Variants in SNRPN observed in about 807,000 individuals in gnomAD.
The protein encoded by SNRPN is small nuclear ribonucleoprotein-associated protein N.
SNRPN carries 7 observed loss-of-function variants against 25.2 expected under a neutral mutation model. The ratio of observed to expected loss-of-function variants is 0.28; its 90% CI spans 0.16 to 0.52. The LOEUF (loss-of-function observed/expected upper bound fraction) is 0.52, where lower values mean the gene tolerates loss of function less well. Among genes scored for constraint, SNRPN ranks in the 20% least tolerant of loss-of-function variants. The pLI is 0.96. For synonymous variants in SNRPN, 124 were observed against 110.6 expected (o/e 1.12, Z -0.76); for missense variants, 196 against 322.5 (o/e 0.61, Z 3.00).
chr15:24,954,858 G>A (rs1007426887), upstream of SNRPN: 4 of 741,130 alleles, frequency 5.4e-6, no homozygotes, highest in East Asian at 2.7e-5. Context: ...AGGTCATTCC[G>A]GTGAGGGAGG....
At chr15:24,848,213 G>GTGGGGCGGGGGCGGCGGC (rs2052383849) in intron 2 of SNRPN, 1 of 110,888 alleles carries the variant, frequency 9.0e-6, no homozygotes, top group Non-Finnish European at 2.1e-5. Context: ...GGACGGAGCT[G>GTGGGGCGGGGGCGGCGGC]GGGGGCGGGG....
chr15:24,844,553 C>T (rs566986126), intron 2 of SNRPN, among the ~76,000 whole-genome samples: 26 of 151,880 alleles, frequency 1.7e-4, no homozygotes, highest in African/African-American at 6.3e-4. Context: ...GAGACAGAGT[C>T]TGTCTCTGTC....
intron 2 of SNRPN, among the ~76,000 whole-genome samples, chr15:24,902,755 C>T (rs2058544618): frequency 6.6e-6 from 1 of 152,200 alleles, no homozygotes; most frequent in African/African-American, 2.4e-5. Flanking sequence ...GTCTCGCCGG[C>T]TTCAGGAGTG....
At chr15:24,861,771 A>G (rs1211497176) in intron 1 of SNRPN, among the ~76,000 whole-genome samples, 2 of 152,150 alleles carry the variant, frequency 1.3e-5, no homozygotes, top group African/African-American at 2.4e-5. Flanking sequence ...TCGATTTAAT[A>G]TTTATTTTAA....
At chr15:24,926,453 A>G (rs910797085) in intron 3 of SNRPN, among the ~76,000 whole-genome samples, 5 of 152,104 alleles carry the variant, frequency 3.3e-5, no homozygotes, top group Admixed American at 6.5e-5. Flanking sequence ...TTTCTCTCAG[A>G]AGTGTGCTAG....
At chr15:24,878,999 C>G (rs2056312886) in intron 1 of SNRPN, among the ~76,000 whole-genome samples, 1 of 151,714 alleles carries the variant, frequency 6.6e-6, no homozygotes. Context: ...AAAAATTATA[C>G]AAGGTTGAAT....
chr15:24,911,081 C>T, intron 2 of SNRPN: 20 of 1,498,844 alleles, frequency 1.3e-5, no homozygotes, highest in Non-Finnish European at 1.8e-5. Context: ...GTTTCCTCTT[C>T]TCCTCTTCTG....
chr15:24,954,940 C>A, upstream of SNRPN: 2 of 1,515,860 alleles, frequency 1.3e-6, no homozygotes, highest in Admixed American at 1.8e-5. Context: ...CGCGCATGCT[C>A]AGGCGGGGAT....
chr15:24,861,415 A>G lies in SNRPN; in HGVS notation c.-579+4699A>G, dbSNP rs1302728315. 3.9e-5 allele frequency among the ~76,000 whole-genome samples: 6 copies of G among 152,218 alleles called. No homozygotes were observed. The East Asian group carries it at 1.2e-3, about 29-fold the overall frequency. On this transcript the variant is annotated intron_variant, in intron 1 of 11. Coordinates refer to the SNRPN transcript ENST00000400097. ...CATAGAAAACATAAAAAGATGGTAT[A>G]AAACAAAAAATATTGTTCAGTTGTA...
chr15:24,868,693 T>A (rs2054821033), intron 1 of SNRPN, among the ~76,000 whole-genome samples: 2 of 152,192 alleles, frequency 1.3e-5, no homozygotes. Flanking sequence ...ATAACCTGAA[T>A]TCTTTTGAAA....
At chr15:24,830,901 G>A (rs991863154) in intron 2 of SNRPN, among the ~76,000 whole-genome samples, 3 of 151,990 alleles carry the variant, frequency 2.0e-5, no homozygotes, top group Admixed American at 6.6e-5. Flanking sequence ...TATTCTGCCC[G>A]TTGTTGGATA....
In SNRPN at chr15:24,872,741, C is replaced by T. The variant is rs545629771; in HGVS notation, c.-578-13775C>T. On this transcript the variant is annotated intron_variant, in intron 1 of 11. Coordinates refer to the SNRPN transcript ENST00000400097. ...AGCCTGGGCAATAAGAGTGAAACTCCGTCTCGAAAAAAAAAAAAAAAAAAA... is the reference window on the plus strand; with the variant it reads ...AGCCTGGGCAATAAGAGTGAAACTCTGTCTCGAAAAAAAAAAAAAAAAAAA... Among the ~76,000 whole-genome samples the T allele has an allele frequency of 2.5e-4, 19 of 77,374 alleles. 4 individuals carry two copies. In the South Asian group the frequency reaches 3.8e-3, roughly 16 times the overall value. The allele number at this position is 77,374 out of a possible 152,430, so 50.8% of individuals were successfully genotyped here.
chr15:24,848,620 A>G (rs1448996920), intron 2 of SNRPN: 3 of 152,130 alleles, frequency 2.0e-5, no homozygotes, highest in South Asian at 4.1e-4. Context: ...AATAACTTCA[A>G]TGTCTTTTTT....
chr15:24,874,979 T>C (rs2055708157), intron 1 of SNRPN, among the ~76,000 whole-genome samples: 1 of 152,212 alleles, frequency 6.6e-6, no homozygotes, highest in South Asian at 2.1e-4. Context: ...GTTGAAAGTT[T>C]TTTTCAGTAA....
upstream of SNRPN, among the ~76,000 whole-genome samples, chr15:24,950,737 C>T (rs868509660): frequency 2.0e-5 from 3 of 150,470 alleles, no homozygotes; most frequent in East Asian, 2.0e-4. Context: ...TTTGTAGAGA[C>T]GAGTCTTGCT....
At chr15:24,910,892 G>T in intron 2 of SNRPN, 1 of 657,204 alleles carries the variant, frequency 1.5e-6, no homozygotes, top group South Asian at 1.9e-5. Flanking sequence ...TTCTCCTGAA[G>T]GACCATCCTT....
intron 1 of SNRPN, among the ~76,000 whole-genome samples, chr15:24,824,517 C>T (rs1056221951): frequency 1.3e-5 from 2 of 151,990 alleles, no homozygotes; most frequent in Non-Finnish European, 2.9e-5. Context: ...TTAGTTTGCA[C>T]TGAAATAAAA....
At chr15:24,847,283 A>C (rs2052291662) in intron 2 of SNRPN, among the ~76,000 whole-genome samples, 2 of 152,314 alleles carry the variant, frequency 1.3e-5, no homozygotes, top group South Asian at 4.1e-4. Flanking sequence ...AGGCGGGAAA[A>C]AAAAGGTGAG....
chr15:24,857,928 A>T (rs1413005193), intron 1 of SNRPN, among the ~76,000 whole-genome samples: 1 of 152,032 alleles, frequency 6.6e-6, no homozygotes, highest in Non-Finnish European at 1.5e-5. Context: ...CATGTTGGAG[A>T]TGAAATCATA....
Sources: allele counts gnomAD v4.1 joint callset (sites outside exome capture counted in the v4.1 genomes callset), GRCh38; gene constraint gnomAD v4.1.1; transcripts MANE v1.5; gene names NCBI Gene and HGNC (gene_info 2026-07-23, HGNC 2026-07-21).